Variants in APOBEC4 observed in about 807,000 individuals in gnomAD.
APOBEC4 encodes putative deaminase APOBEC-4.
For synonymous variants in APOBEC4, 141 were observed against 154.2 expected (o/e 0.91, Z 0.63); for missense variants, 375 against 441.2 (o/e 0.85, Z 1.34).
intron 1 of APOBEC4, among the ~76,000 whole-genome samples, chr1:183,650,708 A>AT (rs11395856): frequency 0.88 from 126,516 of 144,572 alleles, 55,747 homozygotes; most frequent in Non-Finnish European, 0.93. Context: ...AAAGAATCAG[A>AT]TTTTTTTTTT....
chr1:183,649,898 A>G (rs966530470), intron 1 of APOBEC4, among the ~76,000 whole-genome samples: 5 of 152,128 alleles, frequency 3.3e-5, no homozygotes, highest in Admixed American at 2.0e-4. Context: ...TGTGGCCCCA[A>G]CCTTCCGGGC....
chr1:183,649,796 A>G (rs1303474727), intron 1 of APOBEC4, among the ~76,000 whole-genome samples: 1 of 152,130 alleles, frequency 6.6e-6, no homozygotes, highest in African/African-American at 2.4e-5. Context: ...CGTTGTTCCT[A>G]TAATGCTCTA....
At chr1:183,648,989 G>A (rs898778620) in intron 1 of APOBEC4, among the ~76,000 whole-genome samples, 178 bp from the exon 2 acceptor site, 1 of 152,204 alleles carries the variant, frequency 6.6e-6, no homozygotes, top group Non-Finnish European at 1.5e-5. Context: ...AGCATGGGGA[G>A]GAAACAGAAG....
Position 183,646,447 on chromosome 1 carries a change from AT to A in APOBEC4, c.*1230del, listed in dbSNP as rs1460506904. 2 of 152,032 alleles carry A rather than the reference AT, an allele frequency of 1.3e-5. No individual in the cohort carries two copies. Among genetic ancestry groups the A allele is most frequent in the Non-Finnish European group, 2.9e-5 (2 of 68,016 alleles). 9.4% of individuals were successfully genotyped at this position (152,032 alleles called of 1,614,324 possible). A position where few individuals can be genotyped will look rare whatever the true frequency, so the allele number is the denominator to read the frequency against. On this transcript the variant is annotated 3_prime_UTR_variant, in exon 2 of 2. Transcript: ENST00000308641. ...TATATATATATAAAGAAAAAAATTA[AT>A]AGCAAGTTACGAGAAAATGTACATT...
chr1:183,648,680 A>G lies in APOBEC4; in HGVS notation c.102T>C (p.His34=), dbSNP rs151221520. Residue 34 remains histidine, a synonymous_variant, in exon 2 of 2, where the codon CAT becomes CAC. Transcript: ENST00000308641. ...FSLDCSNCPY[H]IRTGEEARVS... is the part of the protein sequence containing the mutation. ...CTCTTGCTTCTTCACCTGTTCGAAT[A>G]TGGTAAGGACAATTAGAGCAATCGA... The G allele has an allele frequency of 6.8e-6, 11 of 1,614,080 alleles. No homozygotes were observed. Among genetic ancestry groups the G allele is most frequent in the African/African-American group, 4.0e-5 (3 of 74,936 alleles).
chr1:183,647,670 T>A lies in APOBEC4; in HGVS notation c.*8A>T. 2 of 1,587,536 alleles carry A rather than the reference T, an allele frequency of 1.3e-6. No homozygotes were observed. The highest frequency in any genetic ancestry group is 1.7e-6 in the Non-Finnish European group (2 of 1,164,746). On this transcript the variant is annotated 3_prime_UTR_variant, in exon 2 of 2. Transcript: ENST00000308641. ...GGTAATTGGTTTCATGCTGTAGGAA[T>A]GTAGATTTTATTTCTTCCCTTTCTT...
intron 1 of APOBEC4, among the ~76,000 whole-genome samples, chr1:183,649,978 A>C (rs1650599280): frequency 6.6e-6 from 1 of 151,656 alleles, no homozygotes; most frequent in African/African-American, 2.4e-5. Flanking sequence ...TGCCCAGATA[A>C]TTTTTTTATT....
rs545339168 is a variant in APOBEC4 at position 183,650,282 on chromosome 1, G to A, written c.-30-1471C>T. ...TATTCGGCCAGGCGTGGTGGCTCAC[G>A]CCTATAATCCCAGCACTTTGGGAGG... is the stretch of plus-strand genomic sequence containing the variant. On this transcript the variant is annotated intron_variant, in intron 1 of 1. Transcript: ENST00000308641. Among the ~76,000 whole-genome samples the A allele has an allele frequency of 4.4e-4, 67 of 152,020 alleles. 1 individual carries two copies. The highest frequency in any genetic ancestry group is 1.6e-3 in the African/African-American group (66 of 41,432).
In APOBEC4 at chr1:183,647,363, A is replaced by G; in HGVS notation, c.*315T>C. The stretch of plus-strand genomic sequence containing the variant: ...TTGTCCATGGGCTTTTGTAGTGGAA[A>G]GATGATGTGAGTAAAATAGAATAAT... On this transcript the variant is annotated 3_prime_UTR_variant, in exon 2 of 2. Transcript: ENST00000308641. The G allele has an allele frequency of 5.2e-6, 1 of 191,234 alleles. No individual in the cohort carries two copies. Among genetic ancestry groups the G allele is most frequent in the South Asian group, 1.6e-4 (1 of 6,242 alleles). The allele number at this position is 191,234 out of a possible 1,614,324, so 11.8% of individuals were successfully genotyped here. A position where few individuals can be genotyped will look rare whatever the true frequency, so the allele number is the denominator to read the frequency against.
chr1:183,648,454 A>G lies in APOBEC4; in HGVS notation c.328T>C (p.Tyr110His), dbSNP rs1357424838. 4 of 1,614,258 alleles carry G rather than the reference A, an allele frequency of 2.5e-6. No individual in the cohort carries two copies. The highest frequency in any genetic ancestry group is 3.3e-5 in the Admixed American group (2 of 60,032). ...EMNGYLDSAIYNNDSIRHIIL... is the reference protein window; with the variant it reads ...EMNGYLDSAIHNNDSIRHIIL... Reference sequence around the variant, plus strand: ...ATATGCCTGATGCTGTCATTATTGTATATGGCTGAGTCAAGATAACCATTC... The same window carrying G: ...ATATGCCTGATGCTGTCATTATTGTGTATGGCTGAGTCAAGATAACCATTC... The change falls in exon 2 of 2, where the codon TAC (tyrosine) becomes CAC (histidine). Residue 110 changes from tyrosine to histidine, a missense_variant. By Grantham distance (83) the Tyr-to-His change is moderately conservative (BLOSUM62 2). Transcript: ENST00000308641.
chr1:183,652,348 T>C (rs1650822429), intron 1 of APOBEC4, among the ~76,000 whole-genome samples: 1 of 152,186 alleles, frequency 6.6e-6, no homozygotes, highest in African/African-American at 2.4e-5. Context: ...CTTTAACACA[T>C]AGTGGAGGGA....
Position 183,647,182 on chromosome 1 carries a change from A to G in APOBEC4, c.*496T>C, listed in dbSNP as rs999730089. 6.5e-6 allele frequency: 1 copy of G among 153,034 alleles called. No individual in the cohort carries two copies. Among genetic ancestry groups the G allele is most frequent in the African/African-American group, 2.4e-5 (1 of 41,468 alleles). The allele number at this position is 153,034 out of a possible 1,614,324, so 9.5% of individuals were successfully genotyped here. On this transcript the variant is annotated 3_prime_UTR_variant, in exon 2 of 2. Coordinates refer to ENST00000308641, the MANE Select transcript of APOBEC4 (RefSeq NM_203454.3). The stretch of plus-strand genomic sequence containing the variant: ...ACACAAAACTATTTTGAATCACTTT[A>G]GAAAAAAATGAGCTGCCTAAAATCT...
chr1:183,651,124 T>G (rs1033297765), intron 1 of APOBEC4, among the ~76,000 whole-genome samples: 2 of 152,224 alleles, frequency 1.3e-5, no homozygotes, highest in African/African-American at 4.8e-5. Context: ...CATTTTTATG[T>G]GGTCCAGTCT....
chr1:183,650,813 A>C (rs1650693376), intron 1 of APOBEC4, among the ~76,000 whole-genome samples: 1 of 151,640 alleles, frequency 6.6e-6, no homozygotes, highest in Non-Finnish European at 1.5e-5. Flanking sequence ...ATTCTCTTAC[A>C]ATGTTGTTTA....
intron 1 of APOBEC4, among the ~76,000 whole-genome samples, chr1:183,649,743 TTAAG>T (rs899387177): frequency 6.6e-6 from 1 of 152,232 alleles, no homozygotes; most frequent in African/African-American, 2.4e-5. Flanking sequence ...GCTGAGATCT[TTAAG>T]TAATGATTTT....
rs1196091183 is a variant in APOBEC4, at chr1:183,648,129, C to T, written c.653G>A (p.Arg218Lys). Residue 218 changes from arginine (R) to lysine (K), a missense_variant, in exon 2 of 2, where the codon AGA becomes AAA. Coordinates refer to ENST00000308641, the MANE Select transcript of APOBEC4 (RefSeq NM_203454.3). ...TGCGTTGTGCCTGTCAGCCAGTGCT[C>T]TCCCAGTTAAAATGGGCTGAAAAAC... ...SHVFQPILTG[R>K]ALADRHNAYE... 6.2e-7 allele frequency: 1 copy of T among 1,614,238 alleles called. No individual in the cohort carries two copies. The highest frequency in any genetic ancestry group is 2.2e-5 in the East Asian group (1 of 44,890).
chr1:183,650,271 T>C lies in APOBEC4; in HGVS notation c.-30-1460A>G, dbSNP rs562365328. ...ATTAAAAATAATATTCGGCCAGGCG[T>C]GGTGGCTCACGCCTATAATCCCAGC... On this transcript the variant is annotated intron_variant, in intron 1 of 1. Transcript: ENST00000308641. Among the ~76,000 whole-genome samples, 24 of 146,932 alleles carry C rather than the reference T, an allele frequency of 1.6e-4. No individual in the cohort carries two copies. In the South Asian group the frequency reaches 1.7e-3, roughly 11 times the overall value.
chr1:183,651,447 T>C (rs1368533578), intron 1 of APOBEC4, among the ~76,000 whole-genome samples: 1 of 152,234 alleles, frequency 6.6e-6, no homozygotes, highest in African/African-American at 2.4e-5. Flanking sequence ...CATCAGCTCA[T>C]TCATTGCTGT....
At chr1:183,651,437 C>T (rs79082707) in intron 1 of APOBEC4, among the ~76,000 whole-genome samples, 1 of 152,120 alleles carries the variant, frequency 6.6e-6, no homozygotes, top group Admixed American at 6.5e-5. Flanking sequence ...CCTCAGCCCA[C>T]ATCAGCTCAT....
Sources: allele counts gnomAD v4.1 joint callset (sites outside exome capture counted in the v4.1 genomes callset), GRCh38; gene constraint gnomAD v4.1.1; transcripts MANE v1.5; gene names NCBI Gene and HGNC (gene_info 2026-07-23, HGNC 2026-07-21).